KNDC1: variants seen among roughly 807,000 people sequenced by gnomAD.
The protein encoded by KNDC1 is kinase non-catalytic C-lobe domain containing 1, also known as kinase non-catalytic C-lobe domain-containing protein 1.
KNDC1 carries 106 observed loss-of-function variants against 172.8 expected under a neutral mutation model. The observed-to-expected ratio is 0.61, with a 90% CI of 0.52 to 0.72. The LOEUF (loss-of-function observed/expected upper bound fraction) is 0.72. Ranked by LOEUF, KNDC1 falls within the 30% of genes least tolerant of loss-of-function variation. KNDC1 has a pLI of 0.00. For missense variants in KNDC1, 2,325 were observed against 2,394.5 expected (o/e 0.97, Z 0.61); for synonymous variants, 1,083 against 1,062.2 (o/e 1.02, Z -0.38).
rs1854326610 is a variant in KNDC1, at chr10:133,200,385, GA to G, written c.2915del (p.Glu972GlyfsTer69). ...QASPSPSTAE[E>X]AGSQLEGSQS... ...CATTCTCGTCGTCAGCACGGCCGAG[GA>G]GGCTGGGTCACAGCTCGAGGGCAGC... On this transcript the variant is annotated frameshift_variant, in exon 16 of 30. Transcript: ENST00000304613. LOFTEE classifies it high-confidence loss of function. 1.9e-6 allele frequency: 3 copies of G among 1,592,992 alleles called. No homozygotes were observed. The highest frequency in any genetic ancestry group is 2.7e-5 in the African/African-American group (2 of 73,268).
rs1845314064 is a variant in KNDC1 at position 133,209,605 on chromosome 10, A to C, written c.3795-1006A>C. Among the ~76,000 whole-genome samples the C allele has an allele frequency of 6.6e-6, 1 of 151,886 alleles. No individual in the cohort carries two copies. The highest frequency in any genetic ancestry group is 2.4e-5 in the African/African-American group (1 of 41,296). On this transcript the variant is annotated intron_variant, in intron 20 of 29. Coordinates refer to ENST00000304613, the MANE Select transcript of KNDC1 (RefSeq NM_152643.8). This position sits in a 1 kb window ranked among gnomAD's most constrained non-coding sequence, Gnocchi z 4.9. ...GTGGCGTGCGTGTCTGTGGTTGTAC[A>C]GTTTGTGGCTTGCATGGCGTGAGTG...
intron 24 of KNDC1, 144 bp downstream of exon 24, chr10:133,213,066 TG>T: frequency 1.3e-6 from 1 of 749,396 alleles, no homozygotes; most frequent in East Asian, 2.7e-5. Flanking sequence ...AGGTTGGGGG[TG>T]GCTGCCAGGT....
intron 1 of KNDC1, among the ~76,000 whole-genome samples, chr10:133,164,543 C>G (rs1364184372): frequency 6.6e-6 from 1 of 152,218 alleles, no homozygotes; most frequent in Non-Finnish European, 1.5e-5. Context: ...CTATTCACAG[C>G]ACGTCACCTC....
chr10:133,196,990 AGTGACACGGGGACG>A, intron 10 of KNDC1, 54 bp from the exon 11 acceptor site: 1 of 1,280,924 alleles, frequency 7.8e-7, no homozygotes, highest in Non-Finnish European at 1.1e-6. Flanking sequence ...ATGGGGACCC[AGTGACACGGGGACG>A]GTGCAGCCGT....
At chr10:133,219,497 C>T (rs762486718) in intron 28 of KNDC1, among the ~76,000 whole-genome samples, 3 of 152,248 alleles carry the variant, frequency 2.0e-5, no homozygotes, top group Non-Finnish European at 2.9e-5. Context: ...AGTCCCAGAG[C>T]AGCCACAGCC....
At chr10:133,184,029 T>C in intron 5 of KNDC1, 40 bp downstream of exon 5, 2 of 1,074,688 alleles carry the variant, frequency 1.9e-6, no homozygotes, top group South Asian at 3.1e-5. Context: ...CTCATGCACA[T>C]ATACCTGTGT....
intron 1 of KNDC1, among the ~76,000 whole-genome samples, chr10:133,165,221 G>A (rs946402212): frequency 6.6e-6 from 1 of 152,214 alleles, no homozygotes; most frequent in Non-Finnish European, 1.5e-5. Flanking sequence ...AATCTCCGAC[G>A]GAATTCAGAC....
At chr10:133,199,679 GC>G in intron 15 of KNDC1, 77 bp downstream of exon 15, 1 of 1,525,696 alleles carries the variant, frequency 6.6e-7, no homozygotes, top group Non-Finnish European at 8.9e-7. Flanking sequence ...CCTGACCCGG[GC>G]CCAGCCTTCC....
chr10:133,200,320 T>G, intron 15 of KNDC1, 55 bp from the exon 16 acceptor site: 1 of 1,359,578 alleles, frequency 7.4e-7, no homozygotes, highest in Non-Finnish European at 1.0e-6. Flanking sequence ...CTGTGGAGAC[T>G]GTGGCCTCCT....
chr10:133,224,855 G>A lies in KNDC1; in HGVS notation c.5215G>A (p.Asp1739Asn). The A allele has an allele frequency of 6.2e-7, 1 of 1,613,960 alleles. No individual in the cohort carries two copies. The highest frequency in any genetic ancestry group is 8.5e-7 in the Non-Finnish European group (1 of 1,180,006). The change falls in exon 30 of 30, where the codon GAC becomes AAC. Residue 1739 changes from aspartate (D) to asparagine (N), a missense_variant. By Grantham distance (23) the Asp-to-Asn change is conservative (BLOSUM62 1). Transcript: ENST00000304613. This position sits in a 1 kb window ranked among gnomAD's most constrained non-coding sequence, Gnocchi z 5.4. ...SSEKHSRKIQ[D>N]KLRRMKATFQ ...CGAGAAGCACTCACGGAAGATTCAG[G>A]ACAAGCTACGGAGGATGAAGGCTAC...
chr10:133,213,065 G>A lies in KNDC1; in HGVS notation c.4443+143G>A, dbSNP rs1564898974. ...CAGCTGCCAGGTGCACAGGTTGGGGGTGGCTGCCAGGTGCACAGGTCCAGG... is the reference window on the plus strand; with the variant it reads ...CAGCTGCCAGGTGCACAGGTTGGGGATGGCTGCCAGGTGCACAGGTCCAGG... On this transcript the variant is annotated intron_variant, in intron 24 of 29. Transcript: ENST00000304613. 1.6e-5 allele frequency: 12 copies of A among 750,988 alleles called. No individual in the cohort carries two copies. In the East Asian group the frequency reaches 1.6e-4, roughly 10 times the overall value. The allele number at this position is 750,988 out of a possible 1,614,324, so 46.5% of individuals were successfully genotyped here.
At chr10:133,172,692 T>A (rs1853412859) in intron 3 of KNDC1, among the ~76,000 whole-genome samples, 1 of 152,182 alleles carries the variant, frequency 6.6e-6, no homozygotes, top group East Asian at 1.9e-4. Context: ...TACTGCTCAG[T>A]TTTTAATAGC....
At position 133,186,023 on chromosome 10, in the gene KNDC1, G is replaced by T; in HGVS notation, c.675G>T (p.Gly225=). 3.8e-6 allele frequency: 6 copies of T among 1,588,562 alleles called. No individual in the cohort carries two copies. Among genetic ancestry groups the T allele is most frequent in the Non-Finnish European group, 3.4e-6 (4 of 1,168,698 alleles). Residue 225 remains glycine (G), a synonymous_variant, in exon 6 of 30, where the codon GGG becomes GGT. Transcript: ENST00000304613. The part of the protein sequence containing the change: ...WRERPAPGNA[G]PRRPPGDPST... Reference sequence around the variant, plus strand: ...AGAGACCTGCCCCAGGAAACGCTGGGCCCAGGAGGCCGCCCGGGGACCCCA... The same window carrying T: ...AGAGACCTGCCCCAGGAAACGCTGGTCCCAGGAGGCCGCCCGGGGACCCCA...
chr10:133,223,440 T>C (rs539256399), intron 29 of KNDC1, among the ~76,000 whole-genome samples: 1 of 15,160 alleles, frequency 6.6e-5, no homozygotes, highest in Non-Finnish European at 1.7e-4. Flanking sequence ...CATCCAGGCA[T>C]GCTCTTCCCG....
Position 133,185,494 on chromosome 10 carries a change from G to GGCAGTGTATGCAGTGTGGAGTTT in KNDC1, c.626-473_626-472insATGCAGTGTGGAGTTTGCAGTGT, listed in dbSNP as rs1853872016. Among the ~76,000 whole-genome samples the GGCAGTGTATGCAGTGTGGAGTTT allele has an allele frequency of 6.1e-5, 3 of 49,200 alleles. 1 individual carries two copies. Among genetic ancestry groups the GGCAGTGTATGCAGTGTGGAGTTT allele is most frequent in the Non-Finnish European group, 1.5e-4 (3 of 20,368 alleles). The allele number at this position is 49,200 out of a possible 152,430, so 32.3% of individuals were successfully genotyped here. The stretch of plus-strand genomic sequence containing the variant: ...TAGGCAGTGTGTGCAGTGTGGAGTA[G>GGCAGTGTATGCAGTGTGGAGTTT]GCAGTGTGTGCAGTGTGAAGTAGGC... On this transcript the variant is annotated intron_variant, in intron 5 of 29. Transcript: ENST00000304613.
intron 5 of KNDC1, among the ~76,000 whole-genome samples, chr10:133,184,434 CACAA>C (rs1853832464): frequency 6.6e-6 from 1 of 152,226 alleles, no homozygotes; most frequent in African/African-American, 2.4e-5. Context: ...TCAGAGATCA[CACAA>C]ACTCACGTAT....
intron 26 of KNDC1, among the ~76,000 whole-genome samples, chr10:133,218,089 G>T (rs1039508099): frequency 3.3e-5 from 5 of 152,052 alleles, no homozygotes; most frequent in African/African-American, 1.2e-4. Context: ...GTCGATCCGG[G>T]GCATGGCGTC....
At chr10:133,208,904 G>C (rs1482066131) in intron 20 of KNDC1, among the ~76,000 whole-genome samples, 3 of 152,100 alleles carry the variant, frequency 2.0e-5, no homozygotes, top group African/African-American at 7.2e-5. Flanking sequence ...GATGTGTGTG[G>C]TGTGTGTATG....
intron 1 of KNDC1, among the ~76,000 whole-genome samples, chr10:133,162,842 TA>T (rs1390121944): frequency 6.6e-6 from 1 of 152,238 alleles, no homozygotes; most frequent in Middle Eastern, 3.2e-3. Context: ...GCAACTTCAC[TA>T]TGGTGTGGGC....
Sources: gnomAD v4.1 joint callset for allele counts (sites outside exome capture counted in the v4.1 genomes callset) on GRCh38, gnomAD v4.1.1 for gene constraint, Gnocchi (gnomAD v3.1) non-coding constraint, MANE v1.5 for transcripts, NCBI Gene and HGNC (gene_info 2026-07-23, HGNC 2026-07-21) for gene names.